VNN2: variants seen among roughly 807,000 people sequenced by gnomAD.
VNN2 encodes vanin 2, also known as pantetheine hydrolase VNN2.
VNN2 carries 43 observed loss-of-function variants against 43.0 expected under a neutral mutation model. The observed-to-expected ratio is 1.00, with a 90% CI of 0.78 to 1.29. The LOEUF (loss-of-function observed/expected upper bound fraction) is 1.29, where lower values mean the gene tolerates loss of function less well. Ranked by LOEUF, VNN2 falls within the 50% of genes most tolerant of loss-of-function variation. The probability of loss-of-function intolerance (pLI) is 0.00; values close to 1 mark genes in which losing one functional copy is unlikely to be tolerated. For missense variants in VNN2, 652 were observed against 619.7 expected (o/e 1.05, Z -0.55); for synonymous variants, 230 against 224.3 (o/e 1.03, Z -0.23).
intron 1 of VNN2, 45 bp from the exon 2 acceptor site, chr6:132,757,591 A>G: frequency 1.9e-6 from 3 of 1,609,606 alleles, no homozygotes; most frequent in South Asian, 1.1e-5. Context: ...CATGTACAAC[A>G]CAGACAATTC....
At chr6:132,750,128 A>C (rs1479033508) in intron 5 of VNN2, among the ~76,000 whole-genome samples, 1 of 152,170 alleles carries the variant, frequency 6.6e-6, no homozygotes, top group Non-Finnish European at 1.5e-5. Context: ...ATGTCAGATG[A>C]TGGCATCGAG....
upstream of VNN2, chr6:132,757,961 T>G (rs1161917223): frequency 2.1e-5 from 25 of 1,182,398 alleles, no homozygotes; most frequent in Non-Finnish European, 2.7e-5. Context: ...TTGCATAACA[T>G]GTGGCTGCCA....
upstream of VNN2, among the ~76,000 whole-genome samples, chr6:132,758,193 C>T (rs867426880): frequency 6.6e-5 from 10 of 151,642 alleles, no homozygotes; most frequent in Middle Eastern, 3.2e-3. Flanking sequence ...TACAGGTGCG[C>T]GCCACCACGT....
rs772422455 is a variant in VNN2, at chr6:132,751,368, G to A, written c.977C>T (p.Thr326Ile). 6.2e-7 allele frequency: 1 copy of A among 1,614,160 alleles called. No individual in the cohort carries two copies. The highest frequency in any genetic ancestry group is 8.5e-7 in the Non-Finnish European group (1 of 1,180,014). Residue 326 changes from threonine to isoleucine, a missense_variant, in exon 5 of 7, where the codon ACC (threonine) becomes ATC (isoleucine). Thr to Ile is a moderately conservative substitution (Grantham distance 89). Coordinates refer to ENST00000326499, the MANE Select transcript of VNN2 (RefSeq NM_004665.6). ...TTTCTGTACTGGAAATGGTTTGATG[G>A]TGGTGGCGTAGGCATTCCAATTAAC... ...TAVNWNAYAT[T>I]IKPFPVQKNT...
At chr6:132,758,120 C>G (rs1056534215), upstream of VNN2, 14 of 373,208 alleles carry the variant, frequency 3.8e-5, no homozygotes, top group African/African-American at 1.4e-4. Flanking sequence ...GCTCAGCTCA[C>G]TACAACTTCC....
At chr6:132,748,655 A>G (rs1779864716) in intron 6 of VNN2, among the ~76,000 whole-genome samples, 1 of 152,242 alleles carries the variant, frequency 6.6e-6, no homozygotes, top group African/African-American at 2.4e-5. Context: ...ATGTGTATGT[A>G]TGCGTGTATG....
intron 3 of VNN2, among the ~76,000 whole-genome samples, chr6:132,754,907 C>T (rs34947718): frequency 4.7e-4 from 72 of 152,344 alleles, no homozygotes; most frequent in African/African-American, 1.7e-3. Flanking sequence ...TGCTCAGTGG[C>T]TCATGCCTCT....
At chr6:132,756,387 A>T (rs894395740) in intron 2 of VNN2, among the ~76,000 whole-genome samples, 1 of 152,066 alleles carries the variant, frequency 6.6e-6, no homozygotes, top group Non-Finnish European at 1.5e-5. Context: ...TATTGCTTTA[A>T]TCCTCATCTC....
intron 3 of VNN2, chr6:132,752,968 T>C (rs1780219398): frequency 2.0e-6 from 1 of 488,454 alleles, no homozygotes; most frequent in East Asian, 3.4e-5. Flanking sequence ...CTCTCCCTTC[T>C]CTCTCTTTCC....
upstream of VNN2, chr6:132,758,057 T>TGAGGCGGAG: frequency 1.9e-6 from 1 of 523,984 alleles, no homozygotes; most frequent in Non-Finnish European, 2.9e-6. Context: ...TTTTTTTTTT[T>TGAGGCGGAG]TTTTTTGAGG....
chr6:132,757,999 T>C (rs1295016367), upstream of VNN2: 1 of 473,996 alleles, frequency 2.1e-6, no homozygotes, highest in East Asian at 3.5e-5. Context: ...TTATCATCAT[T>C]TTTCTTCTTC....
At chr6:132,749,666 T>G (rs1321758047) in intron 6 of VNN2, 29 bp downstream of exon 6, 1 of 1,584,786 alleles carries the variant, frequency 6.3e-7, no homozygotes, top group South Asian at 1.1e-5. Flanking sequence ...ACATATAAAA[T>G]GAAAATACTC....
intron 4 of VNN2, 38 bp from the exon 5 acceptor site, chr6:132,751,556 C>G: frequency 1.9e-6 from 3 of 1,559,782 alleles, no homozygotes; most frequent in Non-Finnish European, 1.7e-6. Context: ...AACAACACCA[C>G]ACACAAAAAA....
Position 132,749,772 on chromosome 6 carries a change from T to A in VNN2, c.1294A>T (p.Ser432Cys). The A allele has an allele frequency of 6.2e-7, 1 of 1,614,098 alleles. No homozygotes were observed. Among genetic ancestry groups the A allele is most frequent in the South Asian group, 1.1e-5 (1 of 91,086 alleles). Residue 432 changes from serine (S) to cysteine (C), a missense_variant, in exon 6 of 7, where the codon AGT becomes TGT. Transcript: ENST00000326499. ...ACATACTCTGTTCCAAATGTGCCAC[T>A]GAGGGAGAACATTTCAAATCTTGTA... The part of the protein sequence containing the change: ...ASTRFEMFSL[S>C]GTFGTEYVFP...
rs80283349 is a variant in VNN2, at chr6:132,748,064, T to C, written c.1371+1631A>G. ...GCAAAGTAGTACGAGAAAATTAGAT[T>C]GTGTGCTCAGTTTAAATCTTCAGGC... On this transcript the variant is annotated intron_variant, in intron 6 of 6. Transcript: ENST00000326499. Among the ~76,000 whole-genome samples, 177 of 152,308 alleles carry C rather than the reference T, an allele frequency of 1.2e-3. 3 individuals are homozygous for C. The East Asian group carries it at 0.025, about 22-fold the overall frequency.
Position 132,750,994 on chromosome 6 carries a change from A to C in VNN2, c.1200+151T>G, listed in dbSNP as rs538879867. 66 of 843,754 alleles carry C rather than the reference A, an allele frequency of 7.8e-5. No individual in the cohort carries two copies. The African/African-American group carries it at 1.3e-3, about 17-fold the overall frequency. 52.3% of individuals were successfully genotyped at this position (843,754 alleles called of 1,614,324 possible). ...CCAGTGTATGTACGTGCATAAATGC[A>C]CGTGTGTGTGTGTGTGTTGTGTGTG... is the stretch of plus-strand genomic sequence containing the variant. On this transcript the variant is annotated intron_variant, in intron 5 of 6. Transcript: ENST00000326499.
intron 6 of VNN2, among the ~76,000 whole-genome samples, chr6:132,746,490 C>T (rs187567598): frequency 7.9e-5 from 12 of 152,220 alleles, no homozygotes; most frequent in Middle Eastern, 3.4e-3. Context: ...GGGCCATGCC[C>T]TGCAAGGTCT....
chr6:132,761,849 T>C (rs185730810), upstream of VNN2, among the ~76,000 whole-genome samples: 1 of 152,266 alleles, frequency 6.6e-6, no homozygotes, highest in East Asian at 1.9e-4. Context: ...TTTGCACCAC[T>C]TCTTTGGACC....
At chr6:132,746,613 A>T (rs1329702087) in intron 6 of VNN2, among the ~76,000 whole-genome samples, 1 of 152,076 alleles carries the variant, frequency 6.6e-6, no homozygotes, top group Non-Finnish European at 1.5e-5. Flanking sequence ...CACCAGCCCT[A>T]AAGAGAAGAA....
Sources: gnomAD v4.1 joint callset for allele counts (sites outside exome capture counted in the v4.1 genomes callset) on GRCh38, gnomAD v4.1.1 for gene constraint, MANE v1.5 for transcripts, NCBI Gene and HGNC (gene_info 2026-07-23, HGNC 2026-07-21) for gene names.